The following ASCC3 variants were observed in gnomAD, a reference collection of about 807,000 sequenced individuals.
The protein encoded by ASCC3 is ASC-1 complex subunit P200.
A neutral mutation model predicts 256.3 loss-of-function variants in ASCC3; 158 were observed. That is an observed-to-expected ratio of 0.62 (90% confidence interval 0.54 to 0.70). ASCC3 has a LOEUF of 0.70. Among genes scored for constraint, ASCC3 ranks in the 30% least tolerant of loss-of-function variants. The probability of loss-of-function intolerance (pLI) is 0.00; values close to 1 mark genes in which losing one functional copy is unlikely to be tolerated. For missense variants in ASCC3, 2,259 were observed against 2,626.0 expected (o/e 0.86, Z 3.05); for synonymous variants, 948 against 883.4 (o/e 1.07, Z -1.30).
intron 36 of ASCC3, among the ~76,000 whole-genome samples, chr6:100,548,498 A>G (rs1316144744): frequency 6.6e-6 from 1 of 151,966 alleles, no homozygotes; most frequent in Non-Finnish European, 1.5e-5. Context: ...GAAATAATTT[A>G]ATAAATATTT....
At chr6:100,666,454 C>A (rs1776480071) in intron 14 of ASCC3, among the ~76,000 whole-genome samples, 1 of 152,116 alleles carries the variant, frequency 6.6e-6, no homozygotes, top group African/African-American at 2.4e-5. Context: ...TATAACAGTT[C>A]CAGTTGCTTC....
intron 20 of ASCC3, among the ~76,000 whole-genome samples, 183 bp from the exon 21 acceptor site, chr6:100,647,634 A>G (rs564335259): frequency 3.3e-5 from 5 of 152,268 alleles, no homozygotes; most frequent in African/African-American, 4.8e-5. Flanking sequence ...GAATAATCCT[A>G]TCCTTTATAT....
intron 8 of ASCC3, among the ~76,000 whole-genome samples, chr6:100,797,923 A>G (rs1225910759): frequency 2.0e-5 from 3 of 152,176 alleles, no homozygotes; most frequent in African/African-American, 7.2e-5. Flanking sequence ...ATGTAACTAT[A>G]TATACACACA....
intron 21 of ASCC3, 40 bp downstream of exon 21, chr6:100,647,186 C>T (rs374391944): frequency 5.3e-6 from 8 of 1,523,434 alleles, no homozygotes; most frequent in African/African-American, 2.7e-5. Context: ...ATTTTATTTG[C>T]ACAAAACAAT....
intron 4 of ASCC3, among the ~76,000 whole-genome samples, chr6:100,836,073 A>G (rs1379436086): frequency 2.0e-5 from 3 of 152,170 alleles, no homozygotes; most frequent in Non-Finnish European, 2.9e-5. Context: ...GCATTAATAT[A>G]CAAATGATAC....
chr6:100,525,089 G>T (rs546291387), intron 37 of ASCC3, among the ~76,000 whole-genome samples: 1 of 131,882 alleles, frequency 7.6e-6, no homozygotes, highest in Non-Finnish European at 1.6e-5. Flanking sequence ...GAGGTGGAAG[G>T]ATCGTTTGAG....
At chr6:100,551,090 A>G (rs1230308153) in intron 36 of ASCC3, among the ~76,000 whole-genome samples, 1 of 151,926 alleles carries the variant, frequency 6.6e-6, no homozygotes, top group African/African-American at 2.4e-5. Context: ...TTTCTTAACT[A>G]AGGGTTCCTT....
Position 100,623,437 on chromosome 6 carries a change from T to C in ASCC3, c.4785+1755A>G, listed in dbSNP as rs563360943. Among the ~76,000 whole-genome samples, 31 of 152,310 alleles carry C rather than the reference T, an allele frequency of 2.0e-4. No individual in the cohort carries two copies. The South Asian group carries it at 6.0e-3, about 29-fold the overall frequency. ...AAAACATTCTGAAATATCAGTTAAC[T>C]ATTACACAATAATGTAATACATACA... On this transcript the variant is annotated intron_variant, in intron 30 of 41. Transcript: ENST00000369162.
At chr6:100,771,736 A>C (rs1274010578) in intron 8 of ASCC3, among the ~76,000 whole-genome samples, 1 of 151,732 alleles carries the variant, frequency 6.6e-6, no homozygotes, top group Non-Finnish European at 1.5e-5. Flanking sequence ...TAACATTTAA[A>C]AAATTGGCAA....
Position 100,643,244 on chromosome 6 carries a change from T to A in ASCC3, c.3733-495A>T, listed in dbSNP as rs182913941. Among the ~76,000 whole-genome samples the A allele has an allele frequency of 7.9e-5, 12 of 152,302 alleles. 1 individual carries two copies. Among genetic ancestry groups the A allele is most frequent in the Admixed American group, 7.2e-4 (11 of 15,290 alleles). On this transcript the variant is annotated intron_variant, in intron 23 of 41. Coordinates refer to ENST00000369162, the MANE Select transcript of ASCC3 (RefSeq NM_006828.4). ...CCTACCCAAGACTCTTACCTGAAGCTTGCTTTATCTTTGATAAAAACAGAA... is the reference window on the plus strand; with the variant it reads ...CCTACCCAAGACTCTTACCTGAAGCATGCTTTATCTTTGATAAAAACAGAA...
intron 25 of ASCC3, among the ~76,000 whole-genome samples, chr6:100,635,103 A>T (rs575730857): frequency 3.9e-4 from 59 of 152,104 alleles, no homozygotes; most frequent in Non-Finnish European, 6.8e-4. Context: ...CTGCACTCCC[A>T]TGTTCATTGC....
chr6:100,782,148 T>C (rs539393217), intron 8 of ASCC3, among the ~76,000 whole-genome samples: 4 of 152,244 alleles, frequency 2.6e-5, no homozygotes, highest in African/African-American at 7.2e-5. Flanking sequence ...TCCTCTACTA[T>C]ACATAACAGA....
intron 37 of ASCC3, among the ~76,000 whole-genome samples, chr6:100,523,302 A>C (rs565961443): frequency 2.6e-5 from 4 of 152,106 alleles, no homozygotes; most frequent in African/African-American, 9.6e-5. Context: ...TTAATTTTTC[A>C]ACAATAAAAT....
chr6:100,755,683 A>G (rs1231585281), intron 10 of ASCC3, among the ~76,000 whole-genome samples: 1 of 152,138 alleles, frequency 6.6e-6, no homozygotes, highest in Non-Finnish European at 1.5e-5. Context: ...GTTCTAGAGT[A>G]TAATAAAAGT....
At chr6:100,608,731 TTATATATATATA>T (rs1169558095) in intron 30 of ASCC3, among the ~76,000 whole-genome samples, 7 of 2,710 alleles carry the variant, frequency 2.6e-3, no homozygotes, top group African/African-American at 5.4e-3. Context: ...TATATATACT[TTATATATATATA>T]TATATATATA....
chr6:100,664,696 A>T (rs1256559314), intron 14 of ASCC3, among the ~76,000 whole-genome samples: 2 of 152,106 alleles, frequency 1.3e-5, no homozygotes, highest in Non-Finnish European at 2.9e-5. Flanking sequence ...CAGACAAGCA[A>T]TATTGTTACT....
At chr6:100,666,127 G>A (rs1423491450) in intron 14 of ASCC3, among the ~76,000 whole-genome samples, 2 of 152,128 alleles carry the variant, frequency 1.3e-5, no homozygotes, top group African/African-American at 4.8e-5. Flanking sequence ...ATTCATCTAA[G>A]TTGTTGCATA....
chr6:100,512,650 T>C, intron 40 of ASCC3, 59 bp downstream of exon 40: 4 of 1,493,406 alleles, frequency 2.7e-6, no homozygotes, highest in Non-Finnish European at 3.7e-6. Flanking sequence ...CAGATATGTG[T>C]GGTGGTGCAT....
intron 4 of ASCC3, among the ~76,000 whole-genome samples, chr6:100,831,297 T>C (rs887634027): frequency 6.6e-6 from 1 of 150,636 alleles, no homozygotes; most frequent in Admixed American, 6.6e-5. Context: ...TGGCACAAAA[T>C]TCATACTTTA....
Sources: gnomAD v4.1 joint callset for allele counts (sites outside exome capture counted in the v4.1 genomes callset) on GRCh38, gnomAD v4.1.1 for gene constraint, MANE v1.5 for transcripts, NCBI Gene and HGNC (gene_info 2026-07-23, HGNC 2026-07-21) for gene names.